TRPM3: variants seen among roughly 807,000 people sequenced by gnomAD.
The protein encoded by TRPM3 is long transient receptor potential channel 3.
TRPM3 carries 77 observed loss-of-function variants against 181.2 expected under a neutral mutation model. The ratio of observed to expected loss-of-function variants is 0.42; its 90% CI spans 0.35 to 0.51. The LOEUF (loss-of-function observed/expected upper bound fraction) is 0.51. Ranked by LOEUF, TRPM3 falls within the 20% of genes least tolerant of loss-of-function variation. The pLI, the probability that TRPM3 is intolerant of heterozygous loss-of-function variation, is 0.01. For synonymous variants in TRPM3, 745 were observed against 796.4 expected, an observed-to-expected ratio of 0.94 and a Z score of 1.09; for missense variants, 1,759 against 2,196.7, an observed-to-expected ratio of 0.80 and a Z score of 3.98.
intron 1 of TRPM3, among the ~76,000 whole-genome samples, chr9:71,444,700 GT>G (rs1202732183): frequency 6.6e-6 from 1 of 152,118 alleles, no homozygotes; most frequent in Non-Finnish European, 1.5e-5. Flanking sequence ...CCTTCCTCCT[GT>G]TTGCATAGAT....
At chr9:71,310,499 C>T (rs2087819188) in intron 1 of TRPM3, among the ~76,000 whole-genome samples, 1 of 151,952 alleles carries the variant, frequency 6.6e-6, no homozygotes, top group Non-Finnish European at 1.5e-5. Flanking sequence ...TTATCAGGCT[C>T]TTTTGGCTGG....
chr9:71,150,704 C>T (rs1365800486), intron 1 of TRPM3, among the ~76,000 whole-genome samples: 1 of 152,068 alleles, frequency 6.6e-6, no homozygotes, highest in Non-Finnish European at 1.5e-5. Flanking sequence ...GATACTGGTG[C>T]ACAACCTTCA....
chr9:71,028,052 AG>A (rs1382141289), intron 1 of TRPM3, among the ~76,000 whole-genome samples: 1 of 152,210 alleles, frequency 6.6e-6, no homozygotes, highest in Non-Finnish European at 1.5e-5. Flanking sequence ...AAAATGTTAA[AG>A]GCAGCTAGAG....
intron 1 of TRPM3, among the ~76,000 whole-genome samples, chr9:71,313,214 C>G (rs1331659987): frequency 6.6e-6 from 1 of 152,134 alleles, no homozygotes; most frequent in Non-Finnish European, 1.5e-5. Context: ...TGAACCTAAT[C>G]TGCTGTTTAA....
At chr9:70,553,782 C>T (rs759359900) in intron 22 of TRPM3, among the ~76,000 whole-genome samples, 4 of 152,218 alleles carry the variant, frequency 2.6e-5, no homozygotes, top group East Asian at 1.9e-4. Flanking sequence ...AACAACAGGG[C>T]AGCTGTTAAT....
At position 71,030,523 on chromosome 9, in the gene TRPM3, C is replaced by T. The variant is rs543105782; in HGVS notation, c.177+90655G>A. Among the ~76,000 whole-genome samples the T allele has an allele frequency of 4.5e-4, 69 of 151,814 alleles. No individual in the cohort carries two copies. The East Asian group carries it at 7.2e-3, about 16-fold the overall frequency. On this transcript the variant is annotated intron_variant, in intron 1 of 25. Transcript: ENST00000677713. ...GAGGTTGCAGTGAGCCAAGATCATG[C>T]CATTGCACTCCAGCCTGGGCAACAG...
At chr9:71,094,564 A>G (rs1304114447) in intron 1 of TRPM3, among the ~76,000 whole-genome samples, 1 of 152,118 alleles carries the variant, frequency 6.6e-6, no homozygotes, top group Non-Finnish European at 1.5e-5. Flanking sequence ...GGAGAAAATT[A>G]TTGGGTAAGG....
intron 1 of TRPM3, among the ~76,000 whole-genome samples, chr9:71,036,816 T>G (rs1043198164): frequency 6.6e-6 from 1 of 152,184 alleles, no homozygotes. Flanking sequence ...GGATGTCAAC[T>G]AGGTGGTTCA....
chr9:71,191,791 T>TA (rs11322932), intron 1 of TRPM3, among the ~76,000 whole-genome samples: 39 of 119,458 alleles, frequency 3.3e-4, no homozygotes, highest in African/African-American at 1.0e-3. Flanking sequence ...ACAGAACATA[T>TA]AAAAAAAAAA....
At chr9:70,743,152 G>C (rs1443306025) in intron 8 of TRPM3, among the ~76,000 whole-genome samples, 1 of 152,182 alleles carries the variant, frequency 6.6e-6, no homozygotes, top group Non-Finnish European at 1.5e-5. Context: ...GGTTAGACTA[G>C]AGTACAAGTA....
At chr9:70,618,817 A>G in intron 17 of TRPM3, 50 bp downstream of exon 17, 1 of 1,539,262 alleles carries the variant, frequency 6.5e-7, no homozygotes, top group Non-Finnish European at 8.9e-7. Flanking sequence ...GAAAACTCTA[A>G]CCCACCCGCC....
At position 70,871,460 on chromosome 9, in the gene TRPM3, C is replaced by T. The variant is rs146453575; in HGVS notation, c.178-6949G>A. Among the ~76,000 whole-genome samples the T allele has an allele frequency of 1.0e-3, 158 of 151,856 alleles. 1 individual carries two copies. The highest frequency in any genetic ancestry group is 2.9e-3 in the African/African-American group (121 of 41,422). On this transcript the variant is annotated intron_variant, in intron 1 of 25. Coordinates refer to ENST00000677713, the MANE Select transcript of TRPM3 (RefSeq NM_001366145.2). ...CCCTTTATAAAGATAAATAACTATT[C>T]AATAGAGAATAGAATAAGAGGAGCT... is the stretch of plus-strand genomic sequence containing the variant.
At chr9:71,396,890 C>T (rs891119656) in intron 1 of TRPM3, among the ~76,000 whole-genome samples, 4 of 150,782 alleles carry the variant, frequency 2.7e-5, no homozygotes, top group African/African-American at 9.8e-5. Context: ...CGCTTGAACC[C>T]GGGAGGTGGA....
chr9:70,971,275 G>A (rs1339421107), intron 1 of TRPM3, among the ~76,000 whole-genome samples: 1 of 152,108 alleles, frequency 6.6e-6, no homozygotes, highest in Non-Finnish European at 1.5e-5. Flanking sequence ...CTCACACTGA[G>A]CTAACCTATA....
At chr9:70,619,413 T>TC (rs2133180450) in intron 16 of TRPM3, among the ~76,000 whole-genome samples, 1 of 107,464 alleles carries the variant, frequency 9.3e-6, no homozygotes, top group Non-Finnish European at 1.9e-5. Context: ...CTTCTTTTTT[T>TC]TTTTTTTTTT....
At chr9:70,935,122 G>A (rs1200498001) in intron 1 of TRPM3, among the ~76,000 whole-genome samples, 1 of 152,092 alleles carries the variant, frequency 6.6e-6, no homozygotes, top group Non-Finnish European at 1.5e-5. Context: ...CCTCATGAAT[G>A]CCCACGCACC....
At chr9:71,316,806 GAATT>G in intron 1 of TRPM3, among the ~76,000 whole-genome samples, 1 of 152,126 alleles carries the variant, frequency 6.6e-6, no homozygotes, top group Non-Finnish European at 1.5e-5. Flanking sequence ...AAGATTGTGG[GAATT>G]AATTACAACA....
At chr9:71,250,920 G>T (rs566513906) in intron 1 of TRPM3, among the ~76,000 whole-genome samples, 1 of 152,040 alleles carries the variant, frequency 6.6e-6, no homozygotes, top group Admixed American at 6.6e-5. Context: ...GGAAGAGAGG[G>T]GGTTTGATTT....
intron 1 of TRPM3, among the ~76,000 whole-genome samples, chr9:71,108,535 T>G (rs2070287576): frequency 1.3e-5 from 2 of 152,154 alleles, no homozygotes; most frequent in African/African-American, 4.8e-5. Flanking sequence ...AATGAGATTT[T>G]CCATAGGAAA....
Sources: gnomAD v4.1 joint callset for allele counts (sites outside exome capture counted in the v4.1 genomes callset) on GRCh38, gnomAD v4.1.1 for gene constraint, MANE v1.5 for transcripts, NCBI Gene and HGNC (gene_info 2026-07-23, HGNC 2026-07-21) for gene names.